PCID2: variants seen among roughly 807,000 people sequenced by gnomAD.
PCID2 encodes the protein PCI domain containing 2.
PCID2 carries 41 observed loss-of-function variants against 61.3 expected under a neutral mutation model. The ratio of observed to expected loss-of-function variants is 0.67; its 90% CI spans 0.52 to 0.87. PCID2 has a LOEUF of 0.87. PCID2 is among the 40% of genes least tolerant of loss of function. The pLI, the probability that PCID2 is intolerant of heterozygous loss-of-function variation, is 0.00. For synonymous variants in PCID2, 187 were observed against 177.8 expected (o/e 1.05, Z -0.41); for missense variants, 392 against 493.4 (o/e 0.79, Z 1.95).
intron 1 of PCID2, among the ~76,000 whole-genome samples, chr13:113,202,141 A>G (rs2039480003): frequency 6.6e-6 from 1 of 152,208 alleles, no homozygotes; most frequent in Non-Finnish European, 1.5e-5. Flanking sequence ...TTGGTATTCT[A>G]CTAAAGCAAG....
chr13:113,178,566 C>T (rs939433472), intron 13 of PCID2: 2 of 405,854 alleles, frequency 4.9e-6, no homozygotes, highest in African/African-American at 4.1e-5. Flanking sequence ...GCCGTGATTC[C>T]CTAAACAATA....
the PCID2 span, chr13:113,165,087 G>A: frequency 6.2e-7 from 1 of 1,612,878 alleles, no homozygotes; most frequent in Non-Finnish European, 8.5e-7. Context: ...CCTCTGAGAA[G>A]CGTGCACCGG....
intron 11 of PCID2, 26 bp downstream of exon 11, chr13:113,180,132 C>G: frequency 6.2e-7 from 1 of 1,613,464 alleles, no homozygotes. Flanking sequence ...TTTAAAACCC[C>G]AAACAGGAAG....
downstream of PCID2, among the ~76,000 whole-genome samples, chr13:113,172,887 T>C (rs2037140526): frequency 6.6e-6 from 1 of 152,186 alleles, no homozygotes; most frequent in South Asian, 2.1e-4. Flanking sequence ...AATGGGCTGA[T>C]GGGCAGCTAG....
intron 2 of PCID2, among the ~76,000 whole-genome samples, chr13:113,199,338 A>G (rs1370180632): frequency 6.6e-6 from 1 of 152,156 alleles, no homozygotes; most frequent in African/African-American, 2.4e-5. Context: ...CCTCATACTA[A>G]ATCTCTATAA....
rs2039159446 is a variant in PCID2, at chr13:113,198,171, C to G, written c.200+20G>C. 1.3e-6 allele frequency: 2 copies of G among 1,532,538 alleles called. No individual in the cohort carries two copies. The highest frequency in any genetic ancestry group is 1.8e-6 in the Non-Finnish European group (2 of 1,127,686). The allele number at this position is 1,532,538 out of a possible 1,614,324, so 94.9% of individuals were successfully genotyped here. A position where few individuals can be genotyped will look rare whatever the true frequency, so the allele number is the denominator to read the frequency against. On this transcript the variant is annotated intron_variant, in intron 3 of 13. Transcript: ENST00000337344. ...GCAATTTCCAGATGTGTGTGTTTTTCTTCCTCCCCAACAGATTACCTTAAA... is the reference window on the plus strand; with the variant it reads ...GCAATTTCCAGATGTGTGTGTTTTTGTTCCTCCCCAACAGATTACCTTAAA...
chr13:113,202,653 A>G (rs1049479893), intron 1 of PCID2, among the ~76,000 whole-genome samples: 1 of 152,244 alleles, frequency 6.6e-6, no homozygotes. Flanking sequence ...TGCGTCTTGT[A>G]TAAGAATGAA....
chr13:113,172,233 T>C, the PCID2 span: 2 of 1,338,902 alleles, frequency 1.5e-6, no homozygotes, highest in South Asian at 2.5e-5. Context: ...ACCACCCGCT[T>C]GGCCCACGCA....
In PCID2 at chr13:113,208,624, A is replaced by C. The variant is rs142022899; in HGVS notation, c.11T>G (p.Ile4Ser). 4 of 1,607,028 alleles carry C rather than the reference A, an allele frequency of 2.5e-6. No individual in the cohort carries two copies. Among genetic ancestry groups the C allele is most frequent in the African/African-American group, 2.7e-5 (2 of 74,432 alleles). MAH[I>S]TINQYLQQVY... ...CTGCTGCAGGTACTGGTTAATGGTA[A>C]TGTGCGCCATGGGAGCGCCGCCGAA... The change falls in exon 1 of 14, where the codon ATT becomes AGT. Residue 4 changes from isoleucine (I) to serine (S), a missense_variant. Physicochemically the swap from Ile to Ser is moderately radical, Grantham distance 142 (BLOSUM62 -2). Transcript: ENST00000337344.
In PCID2 at chr13:113,195,077, G is replaced by A; in HGVS notation, c.357C>T (p.Ala119=). ...GACAGCAAATTAAACTTACATTATT[G>A]GCAAACACTCGAAGGTCAAGCGCTA... is the stretch of plus-strand genomic sequence containing the variant. The part of the protein sequence containing the change: ...YAVALDLRVF[A]NNADQQLVKK... The change falls in exon 6 of 14, where the codon GCC becomes GCT. Residue 119 remains alanine (A), a synonymous_variant. Coordinates refer to ENST00000337344, the MANE Select transcript of PCID2 (RefSeq NM_001127202.4). The A allele has an allele frequency of 4.4e-6, 7 of 1,602,432 alleles. No homozygotes were observed. Among genetic ancestry groups the A allele is most frequent in the Non-Finnish European group, 6.0e-6 (7 of 1,169,256 alleles).
At position 113,208,651 on chromosome 13, in the gene PCID2, G is replaced by A. The variant is rs772849316; in HGVS notation, c.-17C>T. 7 of 1,604,644 alleles carry A rather than the reference G, an allele frequency of 4.4e-6. No homozygotes were observed. Among genetic ancestry groups the A allele is most frequent in the South Asian group, 1.1e-5 (1 of 89,910 alleles). On this transcript the variant is annotated 5_prime_UTR_variant, in exon 1 of 14. Coordinates refer to ENST00000337344, the MANE Select transcript of PCID2 (RefSeq NM_001127202.4). The stretch of plus-strand genomic sequence containing the variant: ...GTGCGCCATGGGAGCGCCGCCGAAC[G>A]GAGAGCGCCACCCCCTACGCCTCAA...
intron 1 of PCID2, among the ~76,000 whole-genome samples, chr13:113,207,564 T>C (rs759394914): frequency 1.3e-5 from 2 of 152,174 alleles, no homozygotes; most frequent in South Asian, 2.1e-4. Flanking sequence ...AAAAAAAAAT[T>C]GGCAAGTGAA....
At chr13:113,200,332 TA>T (rs1159343083) in intron 2 of PCID2, 94 bp downstream of exon 2, 5 of 752,582 alleles carry the variant, frequency 6.6e-6, no homozygotes, top group Non-Finnish European at 1.2e-5. Context: ...GTGACAATAT[TA>T]GTTTTCTTCT....
At chr13:113,180,953 T>C (rs768379396) in intron 10 of PCID2, among the ~76,000 whole-genome samples, 177 bp downstream of exon 10, 6 of 152,212 alleles carry the variant, frequency 3.9e-5, no homozygotes, top group Non-Finnish European at 7.3e-5. Context: ...GCGTAAGGCA[T>C]GAAGCTCTGG....
chr13:113,165,191 G>T, the PCID2 span: 1 of 1,496,934 alleles, frequency 6.7e-7, no homozygotes, highest in South Asian at 1.1e-5. Context: ...TTCCTAAATA[G>T]AAATGTTGAC....
Position 113,185,885 on chromosome 13 carries a change from C to T in PCID2, c.468-325G>A, listed in dbSNP as rs9324224. 3,318 of 212,630 alleles carry T rather than the reference C, an allele frequency of 0.016. 227 individuals are homozygous for T. The East Asian group carries it at 0.19, about 12-fold the overall frequency. The allele number at this position is 212,630 out of a possible 1,614,324, so 13.2% of individuals were successfully genotyped here. On this transcript the variant is annotated intron_variant, in intron 7 of 13. Coordinates refer to ENST00000337344, the MANE Select transcript of PCID2 (RefSeq NM_001127202.4). Reference sequence around the variant, plus strand: ...TGCGTAAAAGTTAATTGTTATAAACCGTTTTTGAAAAATGGAAAAATAGGG... The same window carrying T: ...TGCGTAAAAGTTAATTGTTATAAACTGTTTTTGAAAAATGGAAAAATAGGG...
the PCID2 span, among the ~76,000 whole-genome samples, chr13:113,167,834 T>C: frequency 7.2e-3 from 1,100 of 152,342 alleles, 18 homozygotes; most frequent in African/African-American, 0.025. Flanking sequence ...TGCTATCTTT[T>C]ATTTTTCTTA....
rs760400800 is a variant in PCID2, at chr13:113,180,179, G to A, written c.839C>T (p.Ala280Val). Residue 280 changes from alanine to valine, a missense_variant, in exon 11 of 14, where the codon GCG (alanine) becomes GTG (valine). By Grantham distance (64) the Ala-to-Val change is moderately conservative. Around this residue, in one of 3 missense-constraint regions of PCID2, gnomAD observed 226 missense variants for 296.5 expected, o/e 0.76. Coordinates refer to ENST00000337344, the MANE Select transcript of PCID2 (RefSeq NM_001127202.4). ...CTACCTCACAGCTCTGGTTACTTCC[G>A]CAAACTGCATCAGGTGATACTTTTT... ...LLKKYHLMQF[A>V]EVTRAVSEGN... is the part of the protein sequence containing the mutation. The A allele has an allele frequency of 9.3e-6, 15 of 1,613,628 alleles. 1 individual carries two copies. The East Asian group carries it at 1.3e-4, about 14-fold the overall frequency.
At chr13:113,195,016 CAGAT>C in intron 6 of PCID2, 51 bp downstream of exon 6, 1 of 1,207,500 alleles carries the variant, frequency 8.3e-7, no homozygotes, top group East Asian at 2.3e-5. Flanking sequence ...AATTAAACAA[CAGAT>C]AGTCACCAAG....
Sources: gnomAD v4.1 joint callset for allele counts (sites outside exome capture counted in the v4.1 genomes callset) on GRCh38, gnomAD v4.1.1 for gene constraint, gnomAD v4.1.1 regional missense constraint, MANE v1.5 for transcripts, NCBI Gene and HGNC (gene_info 2026-07-23, HGNC 2026-07-21) for gene names.